Variants in YAP1 observed in about 807,000 individuals in gnomAD.
The protein encoded by YAP1 is transcriptional coactivator YAP1.
Under a neutral mutation model 56.9 loss-of-function variants are expected in YAP1, and 5 were observed. The observed-to-expected ratio is 0.09, with a 90% confidence interval of 0.05 to 0.18. YAP1 has a LOEUF of 0.18. Ranked by LOEUF, YAP1 falls within the 10% of genes least tolerant of loss-of-function variation. The pLI is 1.00. For missense variants in YAP1, 539 were observed against 651.8 expected, an observed-to-expected ratio of 0.83 and a Z score of 1.88; for synonymous variants, 265 against 248.1, an observed-to-expected ratio of 1.07 and a Z score of -0.64.
At chr11:102,166,659 C>A (rs1253173503) in intron 3 of YAP1, among the ~76,000 whole-genome samples, 2 of 152,178 alleles carry the variant, frequency 1.3e-5, no homozygotes, top group Non-Finnish European at 2.9e-5. Flanking sequence ...TAACCCGAAG[C>A]CTTCACATAA....
intron 6 of YAP1, among the ~76,000 whole-genome samples, chr11:102,222,044 A>G (rs888077594): frequency 3.9e-5 from 6 of 152,192 alleles, no homozygotes; most frequent in African/African-American, 1.4e-4. Context: ...TGGTATATCC[A>G]GAAGGCATAA....
chr11:102,171,291 T>C (rs529316226), intron 3 of YAP1, among the ~76,000 whole-genome samples: 1 of 152,314 alleles, frequency 6.6e-6, no homozygotes, highest in Middle Eastern at 3.4e-3. Flanking sequence ...TTATGACTCA[T>C]AGGAGGAATA....
At chr11:102,168,409 C>T (rs1946722881) in intron 3 of YAP1, among the ~76,000 whole-genome samples, 1 of 152,046 alleles carries the variant, frequency 6.6e-6, no homozygotes, top group Non-Finnish European at 1.5e-5. Context: ...CATTTATCTG[C>T]TTTTGAGAAA....
At chr11:102,164,322 C>T (rs989571984) in intron 3 of YAP1, among the ~76,000 whole-genome samples, 7 of 152,134 alleles carry the variant, frequency 4.6e-5, no homozygotes, top group Non-Finnish European at 7.3e-5. Context: ...CGTGAGCCAC[C>T]ATGCCTGGCC....
chr11:102,166,714 T>A (rs541296395), intron 3 of YAP1, among the ~76,000 whole-genome samples: 1 of 152,358 alleles, frequency 6.6e-6, no homozygotes, highest in African/African-American at 2.4e-5. Flanking sequence ...ACTGGGTTAA[T>A]CATGCTAAAT....
At chr11:102,193,814 T>C (rs1330800415) in intron 4 of YAP1, among the ~76,000 whole-genome samples, 1 of 152,038 alleles carries the variant, frequency 6.6e-6, no homozygotes, top group Admixed American at 6.6e-5. Context: ...TTACATAGTT[T>C]TTTGGGGGTT....
At chr11:102,125,714 C>T (rs1164060860) in intron 2 of YAP1, among the ~76,000 whole-genome samples, 1 of 152,038 alleles carries the variant, frequency 6.6e-6, no homozygotes, top group Non-Finnish European at 1.5e-5. Flanking sequence ...TGAGTCTTTT[C>T]TGAGCTCATT....
intron 2 of YAP1, among the ~76,000 whole-genome samples, chr11:102,124,098 T>A (rs1324193920): frequency 6.6e-6 from 1 of 152,006 alleles, no homozygotes; most frequent in Non-Finnish European, 1.5e-5. Flanking sequence ...ATTACAGGCG[T>A]GTGCCACCAT....
intron 2 of YAP1, among the ~76,000 whole-genome samples, chr11:102,126,530 G>C (rs181357068): frequency 6.6e-6 from 1 of 152,184 alleles, no homozygotes; most frequent in South Asian, 2.1e-4. Context: ...CGCCATGTAA[G>C]AAGTGCCTCT....
intron 5 of YAP1, among the ~76,000 whole-genome samples, chr11:102,206,505 A>G (rs1337105083): frequency 2.0e-5 from 3 of 152,238 alleles, no homozygotes; most frequent in East Asian, 3.8e-4. Context: ...AATGACAAAT[A>G]TACTTCGGTA....
intron 2 of YAP1, among the ~76,000 whole-genome samples, chr11:102,150,948 GCAC>G (rs764489217): frequency 5.9e-5 from 9 of 151,762 alleles, no homozygotes; most frequent in Middle Eastern, 3.4e-3. Flanking sequence ...TTACAGGTGT[GCAC>G]CACCATGCCG....
chr11:102,178,985 C>T (rs2187525), intron 3 of YAP1, among the ~76,000 whole-genome samples: 92,280 of 151,188 alleles, frequency 0.61, 28,552 homozygotes, highest in South Asian at 0.73. Context: ...CTCAGGTGAA[C>T]TGAATGAGAA....
chr11:102,180,532 A>G (rs1947533090), intron 3 of YAP1, among the ~76,000 whole-genome samples: 1 of 151,596 alleles, frequency 6.6e-6, no homozygotes. Flanking sequence ...AGTACAAAAA[A>G]TTAGCCAGGC....
At chr11:102,131,899 A>G (rs539356392) in intron 2 of YAP1, among the ~76,000 whole-genome samples, 62 of 152,250 alleles carry the variant, frequency 4.1e-4, no homozygotes, top group African/African-American at 1.3e-3. Context: ...TGAGTAAGAA[A>G]TTCTGTTGTA....
chr11:102,199,462 A>G (rs954329473), intron 4 of YAP1, among the ~76,000 whole-genome samples: 7 of 152,232 alleles, frequency 4.6e-5, no homozygotes, highest in African/African-American at 1.7e-4. Context: ...AATAAACTAT[A>G]ACCTATAAGG....
At chr11:102,214,364 GCTGATGAGGATATTATA>G (rs1949561700) in intron 6 of YAP1, among the ~76,000 whole-genome samples, 1 of 152,168 alleles carries the variant, frequency 6.6e-6, no homozygotes, top group Non-Finnish European at 1.5e-5. Flanking sequence ...CCACAGTATT[GCTGATGAGGATATTATA>G]CTGCACCATT....
rs1209624898 is a variant in YAP1, at chr11:102,186,262, T to C, written c.802+131T>C. 3 of 975,762 alleles carry C rather than the reference T, an allele frequency of 3.1e-6. No individual in the cohort carries two copies. The Admixed American group carries it at 8.7e-5, about 28-fold the overall frequency. 60.4% of individuals were successfully genotyped at this position (975,762 alleles called of 1,614,324 possible). A position where few individuals can be genotyped will look rare whatever the true frequency, so the allele number is the denominator to read the frequency against. The stretch of plus-strand genomic sequence containing the variant: ...TTAAAAAATGACCCTGCCCACCCAA[T>C]GTTTACCAGTAGTGTTTTTATCCTT... On this transcript the variant is annotated intron_variant, in intron 4 of 8. Transcript: ENST00000282441.
chr11:102,117,291 T>C (rs1372166358), intron 2 of YAP1, among the ~76,000 whole-genome samples: 3 of 152,230 alleles, frequency 2.0e-5, no homozygotes, highest in Non-Finnish European at 4.4e-5. Flanking sequence ...TCATCAGATG[T>C]AGAATGAAGA....
At chr11:102,211,357 G>T (rs1006377748) in intron 6 of YAP1, among the ~76,000 whole-genome samples, 10 of 152,138 alleles carry the variant, frequency 6.6e-5, no homozygotes, top group African/African-American at 2.4e-4. Flanking sequence ...CTTATTAGTA[G>T]TAAAGCTTCT....
Sources: gnomAD v4.1 joint callset for allele counts (sites outside exome capture counted in the v4.1 genomes callset) on GRCh38, gnomAD v4.1.1 for gene constraint, MANE v1.5 for transcripts, NCBI Gene and HGNC (gene_info 2026-07-23, HGNC 2026-07-21) for gene names.